PDE4D: variants seen among roughly 807,000 people sequenced by gnomAD.
PDE4D encodes 3',5'-cyclic-AMP phosphodiesterase 4D.
PDE4D carries 24 observed loss-of-function variants against 87.4 expected under a neutral mutation model. That is an observed-to-expected ratio of 0.27 (90% CI 0.20 to 0.39). The LOEUF (loss-of-function observed/expected upper bound fraction) is 0.39, where lower values mean the gene tolerates loss of function less well. Among genes scored for constraint, PDE4D ranks in the 10% least tolerant of loss-of-function variants. The pLI is 1.00. For synonymous variants in PDE4D, 384 were observed against 383.2 expected, an observed-to-expected ratio of 1.00 and a Z score of -0.02; for missense variants, 714 against 1,041.0, an observed-to-expected ratio of 0.69 and a Z score of 4.32.
chr5:60,013,372 AACC>A (rs1765195566), intron 2 of PDE4D, among the ~76,000 whole-genome samples: 1 of 152,192 alleles, frequency 6.6e-6, no homozygotes, highest in African/African-American at 2.4e-5. Flanking sequence ...GATATGATAA[AACC>A]ACAGTTAGTC....
intron 1 of PDE4D, among the ~76,000 whole-genome samples, chr5:59,671,827 T>C (rs1012787278): frequency 6.8e-6 from 1 of 147,276 alleles, no homozygotes; most frequent in South Asian, 2.2e-4. Context: ...AAAAAAAAAG[T>C]AAAGAAATAA....
At chr5:59,169,874 G>A (rs1318750821) in intron 5 of PDE4D, among the ~76,000 whole-genome samples, 1 of 152,150 alleles carries the variant, frequency 6.6e-6, no homozygotes, top group African/African-American at 2.4e-5. Context: ...TGGAAAGTCT[G>A]GGAATCAGTC....
At chr5:59,098,498 G>T (rs1173744920) in intron 5 of PDE4D, among the ~76,000 whole-genome samples, 4 of 151,242 alleles carry the variant, frequency 2.6e-5, no homozygotes, top group African/African-American at 7.3e-5. Flanking sequence ...ATGAGTTTGA[G>T]ACCAGCCTGG....
chr5:59,043,396 G>A (rs1024984095), intron 5 of PDE4D, among the ~76,000 whole-genome samples: 2 of 152,014 alleles, frequency 1.3e-5, no homozygotes, highest in Non-Finnish European at 2.9e-5. Context: ...GGTGGCGGGC[G>A]CCTGTAGTCC....
intron 3 of PDE4D, among the ~76,000 whole-genome samples, chr5:59,974,672 G>A (rs1330952311): frequency 6.6e-6 from 1 of 152,102 alleles, no homozygotes; most frequent in Non-Finnish European, 1.5e-5. Flanking sequence ...GAGGACAGGT[G>A]GACCAATTAT....
intron 5 of PDE4D, among the ~76,000 whole-genome samples, chr5:59,077,603 G>C (rs1283752023): frequency 6.6e-6 from 1 of 151,832 alleles, no homozygotes; most frequent in Non-Finnish European, 1.5e-5. Context: ...GAGTAGCTGG[G>C]ACTGCAGGCA....
chr5:59,818,881 A>AC (rs57891905), intron 1 of PDE4D, among the ~76,000 whole-genome samples: 1 of 148,924 alleles, frequency 6.7e-6, no homozygotes, highest in African/African-American at 2.4e-5. Context: ...AAAAAAAAAA[A>AC]CACAAGAAAT....
chr5:59,907,497 C>T (rs1304247200), intron 3 of PDE4D, among the ~76,000 whole-genome samples: 1 of 151,850 alleles, frequency 6.6e-6, no homozygotes, highest in Non-Finnish European at 1.5e-5. Flanking sequence ...AGGCGTAGTA[C>T]CTGGGTGATG....
intron 6 of PDE4D, among the ~76,000 whole-genome samples, chr5:59,017,583 A>G (rs557003604): frequency 6.6e-6 from 1 of 152,298 alleles, no homozygotes; most frequent in South Asian, 2.1e-4. Flanking sequence ...AAGCTGCCAG[A>G]CAGTTGAGTT....
chr5:60,303,318 T>C (rs1368525375), intron 1 of PDE4D, among the ~76,000 whole-genome samples: 2 of 150,734 alleles, frequency 1.3e-5, no homozygotes, highest in African/African-American at 4.9e-5. Context: ...TTTTTTTTTT[T>C]TTTTTTTGAG....
chr5:59,570,421 A>G (rs1821634709), intron 1 of PDE4D, among the ~76,000 whole-genome samples: 1 of 152,130 alleles, frequency 6.6e-6, no homozygotes, highest in African/African-American at 2.4e-5. Flanking sequence ...CAAAGAATAC[A>G]GTTTTCTAAT....
At chr5:59,566,533 CATGTGTGTGTGTGT>C (rs1159275621) in intron 1 of PDE4D, among the ~76,000 whole-genome samples, 13 of 102,742 alleles carry the variant, frequency 1.3e-4, no homozygotes, top group African/African-American at 4.0e-4. Context: ...GTCACAGTTT[CATGTGTGTGTGTGT>C]GTGTGTGTGT....
intron 1 of PDE4D, among the ~76,000 whole-genome samples, chr5:59,418,775 A>C (rs11951025): frequency 0.087 from 13,284 of 152,156 alleles, 700 homozygotes; most frequent in Middle Eastern, 0.17. Context: ...CAGACACAAG[A>C]GTAGCTGGGA....
At chr5:59,397,619 G>A (rs867147485) in intron 1 of PDE4D, among the ~76,000 whole-genome samples, 5,584 of 112,834 alleles carry the variant, frequency 0.049, 1,365 homozygotes, top group African/African-American at 0.2. Context: ...ATGCCCACAA[G>A]AGAAAGCAGG....
chr5:59,818,870 T>TA (rs11305744), intron 1 of PDE4D, among the ~76,000 whole-genome samples: 12,145 of 141,754 alleles, frequency 0.086, 1,706 homozygotes, highest in African/African-American at 0.3. Flanking sequence ...AAAAAGTAGA[T>TA]AAAAAAAAAA....
chr5:59,438,890 A>G (rs1214150873), intron 1 of PDE4D, among the ~76,000 whole-genome samples: 2 of 152,274 alleles, frequency 1.3e-5, no homozygotes, highest in Non-Finnish European at 2.9e-5. Flanking sequence ...GAGATAAATT[A>G]GGCAGGCAAA....
At chr5:59,411,957 A>G (rs1006669653) in intron 1 of PDE4D, among the ~76,000 whole-genome samples, 1 of 152,234 alleles carries the variant, frequency 6.6e-6, no homozygotes, top group African/African-American at 2.4e-5. Flanking sequence ...TCGCTCACTT[A>G]TTAAATATCA....
At chr5:60,466,774 T>C (rs1747386606) in intron 1 of PDE4D, among the ~76,000 whole-genome samples, 1 of 152,162 alleles carries the variant, frequency 6.6e-6, no homozygotes, top group Non-Finnish European at 1.5e-5. Context: ...CATTTCCTAC[T>C]CTTTCCCTCC....
At chr5:59,999,702 A>C (rs1241963186) in intron 2 of PDE4D, among the ~76,000 whole-genome samples, 1 of 152,002 alleles carries the variant, frequency 6.6e-6, no homozygotes, top group Non-Finnish European at 1.5e-5. Context: ...ACAGGGAAAC[A>C]TGACACAATC....
Sources: gnomAD v4.1 joint callset for allele counts (sites outside exome capture counted in the v4.1 genomes callset) on GRCh38, gnomAD v4.1.1 for gene constraint, MANE v1.5 for transcripts, NCBI Gene and HGNC (gene_info 2026-07-23, HGNC 2026-07-21) for gene names.